The following CNTN4 variants were observed in gnomAD, a reference collection of about 807,000 sequenced individuals.
CNTN4 encodes the protein contactin 4.
A neutral mutation model predicts 122.5 loss-of-function variants in CNTN4; 77 were observed. That is an observed-to-expected ratio of 0.63 (90% CI 0.52 to 0.76). The LOEUF is 0.76. Among genes scored for constraint, CNTN4 ranks in the 30% least tolerant of loss-of-function variants. The probability of loss-of-function intolerance (pLI) is 0.00; values close to 1 mark genes in which losing one functional copy is unlikely to be tolerated. For synonymous variants in CNTN4, 512 were observed against 447.0 expected (o/e 1.15, Z -1.83); for missense variants, 1,256 against 1,259.1 (o/e 1.00, Z 0.04).
chr3:2,567,793 T>C (rs1291721223), intron 3 of CNTN4, among the ~76,000 whole-genome samples: 1 of 152,182 alleles, frequency 6.6e-6, no homozygotes, highest in Non-Finnish European at 1.5e-5. Context: ...CTCCCTCTTA[T>C]TTATCCTTTA....
At chr3:2,402,617 G>T (rs1231070433) in intron 3 of CNTN4, among the ~76,000 whole-genome samples, 1 of 151,886 alleles carries the variant, frequency 6.6e-6, no homozygotes, top group Non-Finnish European at 1.5e-5. Flanking sequence ...GTTAACTAGT[G>T]ACCCTACTTG....
At chr3:2,383,964 A>G (rs917802751) in intron 3 of CNTN4, among the ~76,000 whole-genome samples, 3 of 152,186 alleles carry the variant, frequency 2.0e-5, no homozygotes, top group Non-Finnish European at 4.4e-5. Context: ...ATATATCACA[A>G]CCATTTGATA....
intron 14 of CNTN4, among the ~76,000 whole-genome samples, chr3:3,019,364 G>C (rs530441373): frequency 6.6e-6 from 1 of 152,002 alleles, no homozygotes; most frequent in Non-Finnish European, 1.5e-5. Flanking sequence ...GAGTGCATTG[G>C]TGCGACACTG....
At chr3:2,589,335 T>TA (rs1346637045) in intron 4 of CNTN4, among the ~76,000 whole-genome samples, 1 of 152,218 alleles carries the variant, frequency 6.6e-6, no homozygotes, top group Non-Finnish European at 1.5e-5. Flanking sequence ...CAGTGCCTTA[T>TA]TTTTACCTTT....
intron 3 of CNTN4, among the ~76,000 whole-genome samples, chr3:2,557,370 C>T (rs577888239): frequency 2.0e-5 from 3 of 152,208 alleles, no homozygotes; most frequent in Non-Finnish European, 4.4e-5. Flanking sequence ...TTAGGGGAAA[C>T]CTGCATGCTG....
intron 4 of CNTN4, among the ~76,000 whole-genome samples, chr3:2,713,648 C>A (rs1453012784): frequency 1.3e-5 from 2 of 152,146 alleles, no homozygotes; most frequent in Non-Finnish European, 2.9e-5. Flanking sequence ...ATTAGAAAGA[C>A]CTTCCTGCTT....
At chr3:2,774,559 AC>A (rs2091238731) in intron 6 of CNTN4, among the ~76,000 whole-genome samples, 1 of 152,120 alleles carries the variant, frequency 6.6e-6, no homozygotes, top group Non-Finnish European at 1.5e-5. Flanking sequence ...GCTCCTGTGA[AC>A]TTTAGAAAAC....
At chr3:2,589,370 G>C (rs2080353049) in intron 4 of CNTN4, among the ~76,000 whole-genome samples, 1 of 152,124 alleles carries the variant, frequency 6.6e-6, no homozygotes, top group Non-Finnish European at 1.5e-5. Context: ...TTTGTTCACT[G>C]ATCTGTTAAA....
intron 2 of CNTN4, among the ~76,000 whole-genome samples, chr3:2,306,776 G>A (rs955561636): frequency 5.3e-5 from 8 of 151,794 alleles, no homozygotes; most frequent in African/African-American, 1.7e-4. Flanking sequence ...ATTTATTTAG[G>A]TCTTTTTAAA....
chr3:2,824,898 A>G (rs992596964), intron 7 of CNTN4, among the ~76,000 whole-genome samples: 1 of 152,062 alleles, frequency 6.6e-6, no homozygotes, highest in African/African-American at 2.4e-5. Flanking sequence ...CCCGACCTCA[A>G]GTGATCTGCC....
intron 3 of CNTN4, among the ~76,000 whole-genome samples, chr3:2,347,969 G>A (rs934828422): frequency 6.6e-6 from 1 of 150,406 alleles, no homozygotes; most frequent in Admixed American, 6.6e-5. Context: ...TATTTTTATT[G>A]TTTATACTGT....
At chr3:2,947,815 G>C (rs2151566579) in intron 13 of CNTN4, among the ~76,000 whole-genome samples, 1 of 152,270 alleles carries the variant, frequency 6.6e-6, no homozygotes, top group South Asian at 2.1e-4. Context: ...TTCCTACACA[G>C]CTGATTGTCA....
intron 23 of CNTN4, among the ~76,000 whole-genome samples, chr3:3,047,719 T>C (rs1449709134): frequency 6.7e-6 from 1 of 149,434 alleles, no homozygotes. Context: ...TTAAAAGAAC[T>C]AGAGAAGCAA....
intron 2 of CNTN4, among the ~76,000 whole-genome samples, chr3:2,246,886 G>A (rs1413177552): frequency 6.6e-6 from 1 of 151,940 alleles, no homozygotes; most frequent in Admixed American, 6.6e-5. Flanking sequence ...TAATGTGGCT[G>A]CGATTTGGAC....
chr3:2,365,664 T>G (rs1370937660), intron 3 of CNTN4, among the ~76,000 whole-genome samples: 2 of 152,198 alleles, frequency 1.3e-5, no homozygotes, highest in Non-Finnish European at 2.9e-5. Context: ...TTCTCCAAGT[T>G]GCCATCTGCC....
chr3:2,771,361 G>T (rs1025723085), intron 6 of CNTN4, among the ~76,000 whole-genome samples: 2 of 152,160 alleles, frequency 1.3e-5, no homozygotes, highest in African/African-American at 4.8e-5. Flanking sequence ...AAATAAAAGA[G>T]ATTTGGGTCC....
intron 12 of CNTN4, among the ~76,000 whole-genome samples, chr3:2,923,301 C>G (rs1015215410): frequency 6.7e-6 from 1 of 149,126 alleles, no homozygotes; most frequent in Admixed American, 6.7e-5. Flanking sequence ...TAAAAAAAAA[C>G]TTCAAGAATA....
chr3:2,749,332 T>TG (rs1391031591), intron 6 of CNTN4, among the ~76,000 whole-genome samples: 2 of 150,230 alleles, frequency 1.3e-5, no homozygotes, highest in African/African-American at 2.4e-5. Context: ...AGATAAGTTT[T>TG]TTTTTTTTTT....
intron 2 of CNTN4, among the ~76,000 whole-genome samples, chr3:2,267,784 T>A (rs2041111513): frequency 6.6e-6 from 1 of 152,044 alleles, no homozygotes; most frequent in Non-Finnish European, 1.5e-5. Flanking sequence ...AAATGACACT[T>A]TATTGGTTTT....
Sources: allele counts gnomAD v4.1 joint callset (sites outside exome capture counted in the v4.1 genomes callset), GRCh38; gene constraint gnomAD v4.1.1; transcripts MANE v1.5; gene names NCBI Gene and HGNC (gene_info 2026-07-23, HGNC 2026-07-21).